The following RHOJ variants were observed in gnomAD, a reference collection of about 807,000 sequenced individuals.
The protein encoded by RHOJ is rho-related GTP-binding protein RhoJ.
In RHOJ, 11 loss-of-function variants were observed where a neutral mutation model predicts 23.4. That is an observed-to-expected ratio of 0.47 (90% CI 0.30 to 0.78). The LOEUF is 0.78. RHOJ is among the 30% of genes least tolerant of loss of function. RHOJ has a pLI of 0.08. For missense variants in RHOJ, 254 were observed against 273.4 expected (o/e 0.93, Z 0.50); for synonymous variants, 102 against 102.7 (o/e 0.99, Z 0.04).
intron 4 of RHOJ, among the ~76,000 whole-genome samples, chr14:63,289,609 C>A (rs912111854): frequency 6.6e-6 from 1 of 152,212 alleles, no homozygotes; most frequent in Non-Finnish European, 1.5e-5. Flanking sequence ...AGCTTATGAA[C>A]AAATAAAACC....
At position 63,273,139 on chromosome 14, in the gene RHOJ, G is replaced by A. The variant is rs561472503; in HGVS notation, c.237+3971G>A. On this transcript the variant is annotated intron_variant, in intron 2 of 4. Transcript: ENST00000316754. ...CTGAAACAAACTAACATTTGGACTT[G>A]GAGTGGAGCCCTTTGAAGATAGATT... 3.9e-5 allele frequency among the ~76,000 whole-genome samples: 6 copies of A among 152,314 alleles called. No homozygotes were observed. In the East Asian group the frequency reaches 9.6e-4, roughly 24 times the overall value.
chr14:63,225,950 C>A (rs1475040180), intron 1 of RHOJ, among the ~76,000 whole-genome samples: 2 of 152,106 alleles, frequency 1.3e-5, no homozygotes, highest in Non-Finnish European at 2.9e-5. Context: ...CCATATTTTT[C>A]TGAAGACATA....
rs149554321 is a variant in RHOJ, at chr14:63,222,093, C to G, written c.178+17046C>G. 5.9e-3 allele frequency among the ~76,000 whole-genome samples: 892 copies of G among 150,820 alleles called. 11 individuals carry two copies. The highest frequency in any genetic ancestry group is 0.02 in the African/African-American group (821 of 41,042). The stretch of plus-strand genomic sequence containing the variant: ...GCGGTGTTTGGTTTTTTTGTCCTTG[C>G]GATAGTTTGCTGAGAATGATGGTTT... On this transcript the variant is annotated intron_variant, in intron 1 of 4. Coordinates refer to ENST00000316754, the MANE Select transcript of RHOJ (RefSeq NM_020663.5).
Position 63,219,723 on chromosome 14 carries a change from C to T in RHOJ, c.178+14676C>T, listed in dbSNP as rs147600313. Among the ~76,000 whole-genome samples, 597 of 150,952 alleles carry T rather than the reference C, an allele frequency of 4.0e-3. 13 individuals carry two copies. In the East Asian group the frequency reaches 0.052, roughly 13 times the overall value. On this transcript the variant is annotated intron_variant, in intron 1 of 4. Transcript: ENST00000316754. ...CCCAGCTACTTGGGAGGCTGAGGCACGAGAATCACTTGAACCCAGGAGGCG... is the reference window on the plus strand; with the variant it reads ...CCCAGCTACTTGGGAGGCTGAGGCATGAGAATCACTTGAACCCAGGAGGCG...
intron 2 of RHOJ, among the ~76,000 whole-genome samples, chr14:63,278,532 C>A (rs1378071879): frequency 6.6e-6 from 1 of 151,822 alleles, no homozygotes; most frequent in Non-Finnish European, 1.5e-5. Context: ...ACCCATCAAC[C>A]CGTTATCTAA....
At chr14:63,224,250 C>T (rs1409751968) in intron 1 of RHOJ, among the ~76,000 whole-genome samples, 1 of 152,208 alleles carries the variant, frequency 6.6e-6, no homozygotes, top group African/African-American at 2.4e-5. Context: ...TCCTCTTTCC[C>T]CAACACTGCA....
At chr14:63,206,478 CA>C (rs1292992046) in intron 1 of RHOJ, among the ~76,000 whole-genome samples, 1 of 152,138 alleles carries the variant, frequency 6.6e-6, no homozygotes, top group Non-Finnish European at 1.5e-5. Context: ...ACCATCTTAG[CA>C]AAAGTTATTT....
chr14:63,263,658 A>G (rs1481701998), intron 1 of RHOJ, among the ~76,000 whole-genome samples: 4 of 152,152 alleles, frequency 2.6e-5, no homozygotes, highest in African/African-American at 9.7e-5. Flanking sequence ...TGAACATCCA[A>G]CATGGCTTCC....
At chr14:63,242,813 A>G (rs1190336822) in intron 1 of RHOJ, among the ~76,000 whole-genome samples, 1 of 152,198 alleles carries the variant, frequency 6.6e-6, no homozygotes, top group Non-Finnish European at 1.5e-5. Flanking sequence ...CTATACAACC[A>G]GTTATGTTAA....
chr14:63,204,950 G>C lies in RHOJ; in HGVS notation c.81G>C (p.Val27=). Residue 27 remains valine (V), a synonymous_variant, in exon 1 of 5, where the codon GTG becomes GTC. Coordinates refer to ENST00000316754, the MANE Select transcript of RHOJ (RefSeq NM_020663.5). The part of the protein sequence containing the change: ...DEKKMLKCVV[V]GDGAVGKTCL... ...AGAAGATGTTGAAGTGTGTGGTGGT[G>C]GGGGACGGTGCCGTGGGGAAAACCT... is the stretch of plus-strand genomic sequence containing the variant. 6.2e-7 allele frequency: 1 copy of C among 1,614,212 alleles called. No homozygotes were observed. The highest frequency in any genetic ancestry group is 1.1e-5 in the South Asian group (1 of 91,082).
intron 1 of RHOJ, among the ~76,000 whole-genome samples, chr14:63,243,185 C>T (rs1894914806): frequency 6.6e-6 from 1 of 152,150 alleles, no homozygotes. Flanking sequence ...CTTTTAAAAG[C>T]CAAAGGGAAA....
intron 1 of RHOJ, among the ~76,000 whole-genome samples, chr14:63,239,390 G>A (rs1358045415): frequency 1.3e-5 from 2 of 152,180 alleles, no homozygotes; most frequent in African/African-American, 4.8e-5. Flanking sequence ...AGGATTACAG[G>A]CATGAGCCAC....
intron 2 of RHOJ, among the ~76,000 whole-genome samples, chr14:63,273,731 G>T (rs557944129): frequency 3.3e-5 from 5 of 152,350 alleles, no homozygotes; most frequent in African/African-American, 1.2e-4. Context: ...TATTCAGATT[G>T]TGGCCTCTTG....
chr14:63,267,820 G>A (rs887728082), intron 1 of RHOJ, among the ~76,000 whole-genome samples: 2 of 152,166 alleles, frequency 1.3e-5, no homozygotes, highest in Non-Finnish European at 2.9e-5. Flanking sequence ...TCATCTGAGC[G>A]GCTGCAGCCA....
chr14:63,248,662 TAACA>T (rs1387325654), intron 1 of RHOJ, among the ~76,000 whole-genome samples: 1 of 152,248 alleles, frequency 6.6e-6, no homozygotes, highest in East Asian at 1.9e-4. Context: ...TTCATTTATT[TAACA>T]AACATTTATT....
chr14:63,269,349 A>G, intron 2 of RHOJ, 181 bp downstream of exon 2: 1 of 486,958 alleles, frequency 2.1e-6, no homozygotes, highest in Middle Eastern at 3.4e-4. Context: ...AATTACAAAA[A>G]TCTAAATTGT....
chr14:63,262,808 G>A (rs1435232015), intron 1 of RHOJ, among the ~76,000 whole-genome samples: 1 of 152,194 alleles, frequency 6.6e-6, no homozygotes, highest in South Asian at 2.1e-4. Flanking sequence ...GGGTATACTG[G>A]GCATGGAGAC....
At chr14:63,206,739 CTCCAATAAT>C (rs1894117332) in intron 1 of RHOJ, among the ~76,000 whole-genome samples, 1 of 152,162 alleles carries the variant, frequency 6.6e-6, no homozygotes, top group African/African-American at 2.4e-5. Context: ...TTCCACTAGG[CTCCAATAAT>C]TTTATGTTTT....
chr14:63,239,000 A>G (rs1462837119), intron 1 of RHOJ, among the ~76,000 whole-genome samples: 6 of 152,182 alleles, frequency 3.9e-5, no homozygotes, highest in Non-Finnish European at 5.9e-5. Context: ...GTCACACCCT[A>G]GGCTGGAAAG....
Sources: allele counts gnomAD v4.1 joint callset (sites outside exome capture counted in the v4.1 genomes callset), GRCh38; gene constraint gnomAD v4.1.1; transcripts MANE v1.5; gene names NCBI Gene and HGNC (gene_info 2026-07-23, HGNC 2026-07-21).